PIGG: variants seen among roughly 807,000 people sequenced by gnomAD.
PIGG encodes phosphatidylinositol glycan anchor biosynthesis class G (EMM blood group), also known as GPI ethanolamine phosphate transferase 2, catalytic subunit.
Under a neutral mutation model 83.2 loss-of-function variants are expected in PIGG, and 70 were observed. The observed-to-expected ratio is 0.84, with a 90% CI of 0.69 to 1.03. PIGG has a LOEUF of 1.03. Among genes scored for constraint, PIGG ranks in the 50% least tolerant of loss-of-function variants. The pLI is 0.00. For synonymous variants in PIGG, 532 were observed against 519.5 expected (o/e 1.02, Z -0.33); for missense variants, 1,257 against 1,233.6 (o/e 1.02, Z -0.28).
At chr4:502,966 G>A (rs1487529489) in intron 2 of PIGG, among the ~76,000 whole-genome samples, 3 of 151,882 alleles carry the variant, frequency 2.0e-5, no homozygotes, top group African/African-American at 7.3e-5. Context: ...TGGAAACTGG[G>A]CCGAGTATAT....
chr4:526,344 G>C (rs1321385341), intron 9 of PIGG, among the ~76,000 whole-genome samples: 1 of 152,238 alleles, frequency 6.6e-6, no homozygotes, highest in Non-Finnish European at 1.5e-5. Flanking sequence ...TGCAGTGAAA[G>C]AAACAGAAGG....
Position 528,241 on chromosome 4 carries a change from T to C in PIGG, c.2261+1011T>C. ...AATTGTGTACCTGTTTTTTTTTTCA[T>C]ACTTATATGAAAGACTACATACTTA... On this transcript the variant is annotated intron_variant, in intron 10 of 12. Coordinates refer to ENST00000453061, the MANE Select transcript of PIGG (RefSeq NM_001127178.3). The surrounding 1 kb of genome is among the most constrained non-coding windows in gnomAD (Gnocchi z 4.8). 2 of 982,626 alleles carry C rather than the reference T, an allele frequency of 2.0e-6. No homozygotes were observed. Among genetic ancestry groups the C allele is most frequent in the Non-Finnish European group, 2.4e-6 (2 of 827,420 alleles). 60.9% of individuals were successfully genotyped at this position (982,626 alleles called of 1,614,324 possible). A position where few individuals can be genotyped will look rare whatever the true frequency, so the allele number is the denominator to read the frequency against.
chr4:518,377 A>G (rs891048192), intron 6 of PIGG, among the ~76,000 whole-genome samples: 1 of 152,104 alleles, frequency 6.6e-6, no homozygotes, highest in Non-Finnish European at 1.5e-5. Flanking sequence ...GGGGATCACA[A>G]GGTCAGGAGA....
At chr4:535,594 T>C (rs1200610003) in intron 12 of PIGG, among the ~76,000 whole-genome samples, 2 of 152,084 alleles carry the variant, frequency 1.3e-5, no homozygotes, top group Non-Finnish European at 2.9e-5. Flanking sequence ...CTGTGGCCTC[T>C]CCGCTGAGCA....
In PIGG at chr4:523,681, C is replaced by G; in HGVS notation, c.1837C>G (p.Gln613Glu). Residue 613 changes from glutamine (Q) to glutamate (E), a missense_variant, in exon 9 of 13, where the codon CAA becomes GAA. Gln to Glu is a conservative substitution (Grantham distance 29). Transcript: ENST00000453061. ...GCCTCCGTGTGGCCTCTGTGTGGAA[C>G]AAGGGCATGACGGGGCCACAGCAGC... ...GEPPCGLCVE[Q>E]GHDGATAAWQ... is the part of the protein sequence containing the mutation. 1.2e-6 allele frequency: 2 copies of G among 1,614,220 alleles called. No homozygotes were observed. Among genetic ancestry groups the G allele is most frequent in the Non-Finnish European group, 1.7e-6 (2 of 1,180,028 alleles).
At chr4:502,325 AG>A (rs1287732122) in intron 2 of PIGG, 2 of 152,154 alleles carry the variant, frequency 1.3e-5, no homozygotes, top group African/African-American at 4.8e-5. Flanking sequence ...TTTCCCCATC[AG>A]GGAGGAGCTA....
At chr4:527,785 A>G (rs941301431) in intron 10 of PIGG, 2 of 985,444 alleles carry the variant, frequency 2.0e-6, no homozygotes, top group Non-Finnish European at 2.4e-6. Flanking sequence ...CTTTGTGTCA[A>G]AGCAACTGTG....
chr4:525,475 G>A (rs1727317025), intron 9 of PIGG: 1 of 476,504 alleles, frequency 2.1e-6, no homozygotes, highest in South Asian at 9.0e-5. Context: ...AAAGGGAAAT[G>A]CCTAGTCCTA....
chr4:527,886 C>T (rs375366426), intron 10 of PIGG: 1 of 985,366 alleles, frequency 1.0e-6, no homozygotes, highest in African/African-American at 1.7e-5. Context: ...GTGGGTGACC[C>T]TCTATTTAAA....
chr4:507,741 A>G (rs1302358688), intron 4 of PIGG, 148 bp downstream of exon 4: 9 of 681,160 alleles, frequency 1.3e-5, no homozygotes, highest in South Asian at 1.9e-5. Flanking sequence ...CACGGGCAGC[A>G]CTGTCTCAGT....
At chr4:533,245 G>A (rs929615932) in intron 11 of PIGG, 1 of 158,936 alleles carries the variant, frequency 6.3e-6, no homozygotes, top group African/African-American at 2.4e-5. Flanking sequence ...TGATACGTAA[G>A]CCAGATGTGA....
At chr4:519,239 A>C (rs1284312970) in intron 6 of PIGG, among the ~76,000 whole-genome samples, 1 of 152,094 alleles carries the variant, frequency 6.6e-6, no homozygotes, top group Non-Finnish European at 1.5e-5. Context: ...TGTGAGCCCT[A>C]CTGGATCCAA....
At chr4:505,650 T>G (rs57099085) in intron 2 of PIGG, 68 bp from the exon 3 acceptor site, 1 of 972,504 alleles carries the variant, frequency 1.0e-6, no homozygotes, top group Non-Finnish European at 1.6e-6. Flanking sequence ...AAAAAAAAAA[T>G]CTTCAGTGCC....
intron 8 of PIGG, chr4:522,160 G>A (rs1310738536): frequency 1.6e-6 from 1 of 611,654 alleles, no homozygotes; most frequent in African/African-American, 1.8e-5. Flanking sequence ...GTGCTGTCAG[G>A]TCAGATGCCT....
rs772311981 is a variant in PIGG at position 533,910 on chromosome 4, G to A, written c.2664G>A (p.Ala888=). The change falls in exon 12 of 13, where the codon GCG becomes GCA. Residue 888 remains alanine, a synonymous_variant. Coordinates refer to ENST00000453061, the MANE Select transcript of PIGG (RefSeq NM_001127178.3). ...YVEIPAVLLT[A]FGTYAGPVLW... ...AAATCCCAGCCGTGCTCCTGACAGC[G>A]TTTGGGACGTACGCAGGGCCTGTGC... is the stretch of plus-strand genomic sequence containing the variant. The A allele has an allele frequency of 1.4e-5, 22 of 1,614,068 alleles. No individual in the cohort carries two copies. The highest frequency in any genetic ancestry group is 1.6e-4 in the Middle Eastern group (1 of 6,082).
chr4:527,852 G>A (rs549776165), intron 10 of PIGG: 120 of 985,388 alleles, frequency 1.2e-4, no homozygotes, highest in Non-Finnish European at 1.3e-4. Context: ...AGCAGAGGCC[G>A]TTCTGGAGGG....
At chr4:534,594 G>A (rs572635224) in intron 12 of PIGG, among the ~76,000 whole-genome samples, 24 of 152,352 alleles carry the variant, frequency 1.6e-4, no homozygotes, top group Non-Finnish European at 3.1e-4. Context: ...TTCAAGCTGC[G>A]TCTGGCCTGC....
At chr4:523,396 C>T in intron 8 of PIGG, 63 bp from the exon 9 acceptor site, 2 of 1,188,740 alleles carry the variant, frequency 1.7e-6, no homozygotes, top group Non-Finnish European at 2.5e-6. Flanking sequence ...AAGGACTTGA[C>T]ATGCAGCAAG....
rs545373323 is a variant in PIGG at position 506,285 on chromosome 4, A to C, written c.570+358A>C. 5.9e-5 allele frequency among the ~76,000 whole-genome samples: 9 copies of C among 152,336 alleles called. No homozygotes were observed. The East Asian group carries it at 1.7e-3, about 29-fold the overall frequency. ...CAGAACAGGCTGGTAGCTTCTGCAC[A>C]TGGCAGAGCTGTAGGACTCCACAGC... is the stretch of plus-strand genomic sequence containing the variant. On this transcript the variant is annotated intron_variant, in intron 3 of 12. Coordinates refer to ENST00000453061, the MANE Select transcript of PIGG (RefSeq NM_001127178.3).
Sources: gnomAD v4.1 joint callset for allele counts (sites outside exome capture counted in the v4.1 genomes callset) on GRCh38, gnomAD v4.1.1 for gene constraint, Gnocchi (gnomAD v3.1) non-coding constraint, MANE v1.5 for transcripts, NCBI Gene and HGNC (gene_info 2026-07-23, HGNC 2026-07-21) for gene names.